Variants in GRIK3 observed in about 807,000 individuals in gnomAD.
GRIK3 encodes glutamate receptor ionotropic, kainate 3.
In GRIK3, 29 loss-of-function variants were observed where a neutral mutation model predicts 102.5. The ratio of observed to expected loss-of-function variants is 0.28; its 90% confidence interval spans 0.21 to 0.39. The LOEUF (loss-of-function observed/expected upper bound fraction) is 0.39, where lower values mean the gene tolerates loss of function less well. Among genes scored for constraint, GRIK3 ranks in the 10% least tolerant of loss-of-function variants. The pLI, the probability that GRIK3 is intolerant of heterozygous loss-of-function variation, is 1.00. For synonymous variants in GRIK3, 511 were observed against 504.9 expected, an observed-to-expected ratio of 1.01 and a Z score of -0.16; for missense variants, 908 against 1,252.4, an observed-to-expected ratio of 0.73 and a Z score of 4.15.
chr1:36,982,915 T>C (rs2124368010), intron 1 of GRIK3, among the ~76,000 whole-genome samples: 1 of 152,248 alleles, frequency 6.6e-6, no homozygotes, highest in African/African-American at 2.4e-5. Flanking sequence ...AGAGGGCCGC[T>C]GACAGCTCCC....
intron 5 of GRIK3, among the ~76,000 whole-genome samples, chr1:36,861,941 T>TG (rs1227067468): frequency 6.6e-6 from 1 of 151,340 alleles, no homozygotes; most frequent in East Asian, 1.9e-4. Context: ...CAGTAGGGAG[T>TG]GGGGGGTGGC....
intron 5 of GRIK3, among the ~76,000 whole-genome samples, chr1:36,869,296 C>T (rs575003074): frequency 3.9e-5 from 6 of 152,096 alleles, no homozygotes; most frequent in African/African-American, 7.2e-5. Context: ...CCGTGAGGCC[C>T]GAGATATGCG....
At chr1:36,875,559 C>A (rs915575155) in intron 3 of GRIK3, among the ~76,000 whole-genome samples, 9 of 152,234 alleles carry the variant, frequency 5.9e-5, no homozygotes, top group African/African-American at 2.2e-4. Context: ...TGGGTTTGCT[C>A]TCTCGCCCCT....
intron 7 of GRIK3, among the ~76,000 whole-genome samples, chr1:36,858,857 T>A (rs1000881297): frequency 6.6e-6 from 1 of 152,198 alleles, no homozygotes; most frequent in Non-Finnish European, 1.5e-5. Context: ...CCACGCTGCA[T>A]CTTGCTGGCA....
chr1:36,933,123 G>C (rs1006012378), intron 1 of GRIK3, among the ~76,000 whole-genome samples: 2 of 152,026 alleles, frequency 1.3e-5, no homozygotes, highest in African/African-American at 4.8e-5. Context: ...ACACTAAAGC[G>C]GCTTGTCACT....
chr1:36,891,408 C>T (rs961019256), intron 1 of GRIK3, among the ~76,000 whole-genome samples: 6 of 152,142 alleles, frequency 3.9e-5, no homozygotes, highest in Non-Finnish European at 7.4e-5. Context: ...GGATAACATA[C>T]CATGACCACG....
At chr1:37,021,090 AAG>A (rs1491168583) in intron 1 of GRIK3, among the ~76,000 whole-genome samples, 6 of 112,938 alleles carry the variant, frequency 5.3e-5, no homozygotes, top group African/African-American at 1.6e-4. Context: ...TCAAATTTGC[AAG>A]TGTGTGTGTG....
intron 9 of GRIK3, among the ~76,000 whole-genome samples, chr1:36,847,480 G>A (rs932836774): frequency 6.6e-6 from 1 of 152,190 alleles, no homozygotes; most frequent in African/African-American, 2.4e-5. Context: ...AGGGGTCTTT[G>A]GTGAAGTTCA....
chr1:36,852,433 G>A (rs986991966), intron 8 of GRIK3, among the ~76,000 whole-genome samples: 3 of 152,200 alleles, frequency 2.0e-5, no homozygotes, highest in African/African-American at 2.4e-5. Flanking sequence ...ATGGGGCCAT[G>A]GGGTATGTTT....
Position 36,853,613 on chromosome 1 carries a change from A to T in GRIK3, c.1212+2T>A. ...TGCCCTCCCTCTCCTGAGACCACGC[A>T]CCTTCTCCAGGCCATCCTCTTTCAG... On this transcript the variant is annotated splice_donor_variant, in intron 8 of 15. Transcript: ENST00000373091. LOFTEE classifies it high-confidence loss of function. 6.2e-7 allele frequency: 1 copy of T among 1,600,562 alleles called. No homozygotes were observed. The highest frequency in any genetic ancestry group is 8.6e-7 in the Non-Finnish European group (1 of 1,167,864).
At chr1:36,999,716 G>C (rs1400503374) in intron 1 of GRIK3, among the ~76,000 whole-genome samples, 1 of 152,160 alleles carries the variant, frequency 6.6e-6, no homozygotes, top group African/African-American at 2.4e-5. Context: ...TGCCCCTTGT[G>C]GGGGTGACAT....
At position 36,797,672 on chromosome 1, in the gene GRIK3, A is replaced by T. The variant is rs539112252; in HGVS notation, c.*4179T>A. ...AGCCCCTTTGCAGATGGGTATCCAC[A>T]CAGGACCACTCCAGATGTGAGCCAG... On this transcript the variant is annotated 3_prime_UTR_variant, in exon 16 of 16. Coordinates refer to ENST00000373091, the MANE Select transcript of GRIK3 (RefSeq NM_000831.4). 6.6e-6 allele frequency: 1 copy of T among 152,374 alleles called. No homozygotes were observed. Among genetic ancestry groups the T allele is most frequent in the African/African-American group, 2.4e-5 (1 of 41,558 alleles). The allele number at this position is 152,374 out of a possible 1,614,324, so 9.4% of individuals were successfully genotyped here.
intron 4 of GRIK3, 82 bp from the exon 5 acceptor site, chr1:36,869,883 G>T: frequency 9.5e-7 from 1 of 1,055,470 alleles, no homozygotes; most frequent in Non-Finnish European, 1.5e-6. Context: ...CTGAGAATGG[G>T]ACTGGCAGTG....
chr1:36,859,554 A>G (rs184871049), intron 6 of GRIK3, among the ~76,000 whole-genome samples: 1 of 132,866 alleles, frequency 7.5e-6, no homozygotes, highest in Non-Finnish European at 1.5e-5. Flanking sequence ...CTCGGCCTTC[A>G]CACCTGTGTG....
intron 9 of GRIK3, among the ~76,000 whole-genome samples, chr1:36,843,548 A>G (rs1640485871): frequency 6.6e-6 from 1 of 152,050 alleles, no homozygotes; most frequent in Admixed American, 6.5e-5. Context: ...AGTCAGCTGC[A>G]CCTCTCTCTG....
At chr1:37,014,083 C>T (rs1169979177) in intron 1 of GRIK3, among the ~76,000 whole-genome samples, 1 of 152,244 alleles carries the variant, frequency 6.6e-6, no homozygotes, top group Admixed American at 6.5e-5. Context: ...TCTCATTATT[C>T]AGGCCTTAGC....
intron 1 of GRIK3, among the ~76,000 whole-genome samples, chr1:36,907,446 C>G (rs1401347101): frequency 2.6e-5 from 4 of 152,156 alleles, no homozygotes; most frequent in Non-Finnish European, 5.9e-5. Context: ...AGTTGAGCCT[C>G]CCTTCCTTCC....
intron 1 of GRIK3, among the ~76,000 whole-genome samples, chr1:36,903,817 G>C (rs1291265507): frequency 6.6e-6 from 1 of 152,182 alleles, no homozygotes; most frequent in African/African-American, 2.4e-5. Flanking sequence ...GTGGAGGAGG[G>C]AGAGATGCAT....
chr1:36,971,431 C>G (rs1385603247), intron 1 of GRIK3, among the ~76,000 whole-genome samples: 1 of 152,190 alleles, frequency 6.6e-6, no homozygotes, highest in East Asian at 1.9e-4. Context: ...CTAGCCACAT[C>G]TGAACCAGTC....
Sources: gnomAD v4.1 joint callset for allele counts (sites outside exome capture counted in the v4.1 genomes callset) on GRCh38, gnomAD v4.1.1 for gene constraint, MANE v1.5 for transcripts, NCBI Gene and HGNC (gene_info 2026-07-23, HGNC 2026-07-21) for gene names.